Variants in PSIP1 observed in about 807,000 individuals in gnomAD.
The protein encoded by PSIP1 is PC4 and SRSF1 interacting protein 1.
A neutral mutation model predicts 74.7 loss-of-function variants in PSIP1; 19 were observed. The observed-to-expected ratio is 0.25, with a 90% CI of 0.18 to 0.37. The LOEUF is 0.37. Among genes scored for constraint, PSIP1 ranks in the 10% least tolerant of loss-of-function variants. The pLI is 1.00. For synonymous variants in PSIP1, 222 were observed against 195.3 expected (o/e 1.14, Z -1.14); for missense variants, 601 against 614.3 (o/e 0.98, Z 0.23).
intron 6 of PSIP1, among the ~76,000 whole-genome samples, chr9:15,481,232 G>C (rs1001573679): frequency 1.3e-5 from 2 of 152,108 alleles, no homozygotes; most frequent in African/African-American, 4.8e-5. Flanking sequence ...AAGCTCCCCA[G>C]GTAACAAAGC....
chr9:15,467,272 T>G (rs984288942), intron 14 of PSIP1, among the ~76,000 whole-genome samples: 1 of 152,178 alleles, frequency 6.6e-6, no homozygotes, highest in Non-Finnish European at 1.5e-5. Flanking sequence ...TAGAACAAAG[T>G]GCTAAAGGAG....
intron 3 of PSIP1, chr9:15,505,264 C>T (rs1044248789): frequency 1.3e-5 from 2 of 152,092 alleles, no homozygotes; most frequent in Non-Finnish European, 2.9e-5. Context: ...TTAAAGTTCG[C>T]AAGAGATGCT....
Position 15,510,232 on chromosome 9 carries a change from A to C in PSIP1, c.-44T>G, listed in dbSNP as rs751940111. ...GGGGTCCGAAGCCCGGGAGGCGGCGAGGAGATGCGGCGGCGCGGGGATGCG... is the reference window on the plus strand; with the variant it reads ...GGGGTCCGAAGCCCGGGAGGCGGCGCGGAGATGCGGCGGCGCGGGGATGCG... On this transcript the variant is annotated 5_prime_UTR_variant, in exon 2 of 16. Coordinates refer to ENST00000380733, the MANE Select transcript of PSIP1 (RefSeq NM_033222.5). 4 of 1,573,890 alleles carry C rather than the reference A, an allele frequency of 2.5e-6. No homozygotes were observed. The highest frequency in any genetic ancestry group is 3.5e-6 in the Non-Finnish European group (4 of 1,157,808).
rs567525818 is a variant in PSIP1, at chr9:15,504,615, T to C, written c.149+1946A>G. Among the ~76,000 whole-genome samples, 4 of 151,966 alleles carry C rather than the reference T, an allele frequency of 2.6e-5. 1 individual carries two copies. The South Asian group carries it at 6.2e-4, about 24-fold the overall frequency. ...AGCCTGGCGTGGTGGCAGGCACCTG[T>C]AGTCCCAGCTACTCGGGAGGCTGAG... On this transcript the variant is annotated intron_variant, in intron 3 of 15. Coordinates refer to ENST00000380733, the MANE Select transcript of PSIP1 (RefSeq NM_033222.5).
chr9:15,485,386 G>A (rs2036516556), intron 6 of PSIP1, among the ~76,000 whole-genome samples: 1 of 151,982 alleles, frequency 6.6e-6, no homozygotes, highest in Non-Finnish European at 1.5e-5. Context: ...CAACAAATAA[G>A]CCACTGTAAT....
At chr9:15,467,465 C>CT (rs1228049668) in intron 14 of PSIP1, among the ~76,000 whole-genome samples, 4 of 152,180 alleles carry the variant, frequency 2.6e-5, no homozygotes, top group Non-Finnish European at 4.4e-5. Flanking sequence ...AATAACAAGA[C>CT]TGGAGGAGCT....
At chr9:15,506,440 C>T in intron 3 of PSIP1, 121 bp downstream of exon 3, 2 of 659,514 alleles carry the variant, frequency 3.0e-6, no homozygotes, top group Non-Finnish European at 2.5e-6. Flanking sequence ...AAGACTCTTT[C>T]CAAAGTTCAA....
chr9:15,502,347 AG>A (rs1479918922), intron 3 of PSIP1, among the ~76,000 whole-genome samples: 1 of 152,236 alleles, frequency 6.6e-6, no homozygotes, highest in East Asian at 1.9e-4. Context: ...AATCTGTGAC[AG>A]GATGACTCCA....
intron 4 of PSIP1, among the ~76,000 whole-genome samples, chr9:15,488,802 A>C (rs2036676893): frequency 6.6e-6 from 1 of 152,046 alleles, no homozygotes; most frequent in Non-Finnish European, 1.5e-5. Flanking sequence ...CGGGCGGATC[A>C]CAAGGTCAGG....
At chr9:15,481,643 T>C (rs572254153) in intron 6 of PSIP1, among the ~76,000 whole-genome samples, 2 of 151,954 alleles carry the variant, frequency 1.3e-5, no homozygotes, top group South Asian at 4.2e-4. Flanking sequence ...GACATCCTGC[T>C]ACCACACTCC....
chr9:15,469,464 T>C, intron 11 of PSIP1, 128 bp from the exon 12 acceptor site: 1 of 593,010 alleles, frequency 1.7e-6, no homozygotes, highest in Non-Finnish European at 3.0e-6. Context: ...ACTAAGAAGC[T>C]CAAAGATATG....
At chr9:15,493,927 A>G (rs1356579997) in intron 3 of PSIP1, among the ~76,000 whole-genome samples, 2 of 152,166 alleles carry the variant, frequency 1.3e-5, no homozygotes, top group African/African-American at 4.8e-5. Flanking sequence ...ATCTGTACAT[A>G]TATATTTAGA....
chr9:15,510,309 CG>C lies in PSIP1; in HGVS notation c.-122del. The C allele has an allele frequency of 2.1e-6, 1 of 484,190 alleles. No individual in the cohort carries two copies. The highest frequency in any genetic ancestry group is 3.1e-6 in the Non-Finnish European group (1 of 318,828). 30.0% of individuals were successfully genotyped at this position (484,190 alleles called of 1,614,324 possible). A position where few individuals can be genotyped will look rare whatever the true frequency, so the allele number is the denominator to read the frequency against. ...GGCCCGCGGGCGGGGGAGGATGCCT[CG>C]GGGCGTCCCGACGCGCCTGCTAGGG... On this transcript the variant is annotated 5_prime_UTR_variant, in exon 2 of 16. Coordinates refer to ENST00000380733, the MANE Select transcript of PSIP1 (RefSeq NM_033222.5).
intron 6 of PSIP1, 144 bp downstream of exon 6, chr9:15,485,862 G>A (rs2036537660): frequency 1.6e-6 from 1 of 641,462 alleles, no homozygotes; most frequent in East Asian, 2.8e-5. Flanking sequence ...AGATAGTTTT[G>A]CCAAGTAAAA....
At chr9:15,477,026 TC>T (rs1422830332) in intron 8 of PSIP1, among the ~76,000 whole-genome samples, 1 of 152,096 alleles carries the variant, frequency 6.6e-6, no homozygotes, top group Non-Finnish European at 1.5e-5. Flanking sequence ...GGAAGCATAC[TC>T]CGGGGGAAAA....
rs763000735 is a variant in PSIP1 at position 15,468,692 on chromosome 9, G to A, written c.1358C>T (p.Ala453Val). The part of the protein sequence containing the change: ...SLAEQRQHEE[A>V]NKTKDQGKKG... ...CTTCCCTTGATCTTTGGTTTTATTCGCTTCCTCATGCTGTCTTTGTTCAGC... is the reference window on the plus strand; with the variant it reads ...CTTCCCTTGATCTTTGGTTTTATTCACTTCCTCATGCTGTCTTTGTTCAGC... The change falls in exon 14 of 16, where the codon GCG becomes GTG. Residue 453 changes from alanine (A) to valine (V), a missense_variant. This residue lies in a region of PSIP1 where 538 missense variants were observed against 507.6 expected (regional missense o/e 1.06). Transcript: ENST00000380733. 3.1e-5 allele frequency: 50 copies of A among 1,613,616 alleles called. No homozygotes were observed. The Admixed American group carries it at 4.7e-4, about 15-fold the overall frequency.
At chr9:15,499,372 T>C (rs1466425507) in intron 3 of PSIP1, among the ~76,000 whole-genome samples, 1 of 152,238 alleles carries the variant, frequency 6.6e-6, no homozygotes, top group Admixed American at 6.5e-5. Context: ...AGTTTTATAA[T>C]ACTGAGGCAG....
rs2035454842 is a variant in PSIP1, at chr9:15,464,225, G to C, written c.*1295C>G. ...ACGGTGATTCCTAGTTCCATTATAA[G>C]ACCTCTTTAAAAGCAAAAATGCAAT... On this transcript the variant is annotated 3_prime_UTR_variant, in exon 16 of 16. Coordinates refer to ENST00000380733, the MANE Select transcript of PSIP1 (RefSeq NM_033222.5). 5.2e-6 allele frequency: 1 copy of C among 191,846 alleles called. No homozygotes were observed. The highest frequency in any genetic ancestry group is 8.4e-5 in the East Asian group (1 of 11,954). The allele number at this position is 191,846 out of a possible 1,614,324, so 11.9% of individuals were successfully genotyped here.
At chr9:15,472,388 AT>A (rs2035875831) in intron 10 of PSIP1, 1 of 1,311,470 alleles carries the variant, frequency 7.6e-7, no homozygotes, top group Non-Finnish European at 9.6e-7. Flanking sequence ...ATTAAATCCT[AT>A]CTGCACTTCG....
Sources: gnomAD v4.1 joint callset for allele counts (sites outside exome capture counted in the v4.1 genomes callset) on GRCh38, gnomAD v4.1.1 for gene constraint, gnomAD v4.1.1 regional missense constraint, MANE v1.5 for transcripts, NCBI Gene and HGNC (gene_info 2026-07-23, HGNC 2026-07-21) for gene names.